The following SMAD3 variants were observed in gnomAD, a reference collection of about 807,000 sequenced individuals.
The protein encoded by SMAD3 is SMAD family member 3.
A neutral mutation model predicts 51.8 loss-of-function variants in SMAD3; 12 were observed. The ratio of observed to expected loss-of-function variants is 0.23; its 90% CI spans 0.15 to 0.38. The LOEUF is 0.38. Ranked by LOEUF, SMAD3 falls within the 10% of genes least tolerant of loss-of-function variation. SMAD3 has a pLI of 1.00. For missense variants in SMAD3, 294 were observed against 565.6 expected (o/e 0.52, Z 4.87); for synonymous variants, 238 against 227.7 (o/e 1.05, Z -0.41).
intron 1 of SMAD3, among the ~76,000 whole-genome samples, chr15:67,116,148 C>G (rs553833001): frequency 6.6e-6 from 1 of 152,322 alleles, no homozygotes; most frequent in Admixed American, 6.5e-5. Context: ...CTTGTGCATC[C>G]TTGGGTGATG....
rs1210875022 is a variant in SMAD3 at position 67,190,816 on chromosome 15, A to G, written c.*280A>G. 1.6e-5 allele frequency: 8 copies of G among 501,258 alleles called. No homozygotes were observed. The highest frequency in any genetic ancestry group is 2.9e-5 in the Non-Finnish European group (8 of 276,280). 31.1% of individuals were successfully genotyped at this position (501,258 alleles called of 1,614,324 possible). ...GGCTTAAGTGAGCAGAACAGGTAGT[A>G]TTACACCACCGGCCCCCTCCCCCCA... On this transcript the variant is annotated 3_prime_UTR_variant, in exon 9 of 9. Transcript: ENST00000327367.
chr15:67,175,026 C>T (rs1229286754), intron 5 of SMAD3, among the ~76,000 whole-genome samples: 5 of 152,190 alleles, frequency 3.3e-5, no homozygotes, highest in African/African-American at 1.2e-4. Flanking sequence ...GAGATATGAG[C>T]AGGTGATGTT....
At chr15:67,161,265 G>T (rs1001662516) in intron 1 of SMAD3, among the ~76,000 whole-genome samples, 1 of 152,186 alleles carries the variant, frequency 6.6e-6, no homozygotes, top group Non-Finnish European at 1.5e-5. Context: ...ACTCTGTTAG[G>T]TTCCATTGAT....
chr15:67,130,507 A>G (rs1396177765), intron 1 of SMAD3, among the ~76,000 whole-genome samples: 1 of 152,150 alleles, frequency 6.6e-6, no homozygotes. Context: ...TGAACTGCAT[A>G]TTGGAGGGAT....
chr15:67,158,217 G>C (rs923709184), intron 1 of SMAD3, among the ~76,000 whole-genome samples: 2 of 152,208 alleles, frequency 1.3e-5, no homozygotes, highest in African/African-American at 2.4e-5. Flanking sequence ...TAAGGCCTGG[G>C]AGAGTGTGTT....
intron 1 of SMAD3, among the ~76,000 whole-genome samples, chr15:67,133,969 CT>C (rs1240258067): frequency 6.6e-6 from 1 of 152,032 alleles, no homozygotes; most frequent in African/African-American, 2.4e-5. Context: ...CTCCTGGGTG[CT>C]TGTCTGCTTG....
At chr15:67,070,940 G>A (rs1476596649) in intron 1 of SMAD3, among the ~76,000 whole-genome samples, 1 of 152,060 alleles carries the variant, frequency 6.6e-6, no homozygotes, top group Non-Finnish European at 1.5e-5. Context: ...GGTATGTTAC[G>A]TTTATACTTC....
chr15:67,166,785 C>A lies in SMAD3; in HGVS notation c.539C>A (p.Pro180Gln). The part of the protein sequence containing the change: ...IEPQSNIPET[P>Q]PPGYLSEDGE... ...CCTTCCTTCTGATTCCCAGAGACCC[C>A]ACCCCCTGGCTACCTGAGTGAAGAT... The change falls in exon 4 of 9, where the codon CCA (proline) becomes CAA (glutamine). Residue 180 changes from proline to glutamine, a missense_variant. By Grantham distance (76) the Pro-to-Gln change is moderately conservative. Coordinates refer to ENST00000327367, the MANE Select transcript of SMAD3 (RefSeq NM_005902.4). The A allele has an allele frequency of 6.3e-7, 1 of 1,591,538 alleles. No individual in the cohort carries two copies.
intron 5 of SMAD3, among the ~76,000 whole-genome samples, chr15:67,176,777 G>A (rs1349571008): frequency 1.3e-5 from 2 of 152,232 alleles, no homozygotes; most frequent in African/African-American, 4.8e-5. Flanking sequence ...ACACCACACT[G>A]GTGGGGGAGG....
chr15:67,138,020 C>A, intron 1 of SMAD3: 1 of 1,550,208 alleles, frequency 6.5e-7, no homozygotes, highest in South Asian at 1.2e-5. Flanking sequence ...CTCCCAACTT[C>A]ACAAACATGT....
chr15:67,120,878 A>G (rs1168848192), intron 1 of SMAD3, among the ~76,000 whole-genome samples: 1 of 151,974 alleles, frequency 6.6e-6, no homozygotes, highest in Non-Finnish European at 1.5e-5. Context: ...ATTATTTTTT[A>G]GCTCATCAGC....
chr15:67,107,217 T>A (rs1049571589), intron 1 of SMAD3, among the ~76,000 whole-genome samples: 1 of 152,040 alleles, frequency 6.6e-6, no homozygotes, highest in Admixed American at 6.5e-5. Context: ...AGTCAGTCAT[T>A]GGGCCTTGGA....
chr15:67,129,291 T>C (rs916373729), intron 1 of SMAD3, among the ~76,000 whole-genome samples: 2 of 152,188 alleles, frequency 1.3e-5, no homozygotes, highest in Non-Finnish European at 2.9e-5. Flanking sequence ...TCTAGAGCAG[T>C]GTTGCCGGAT....
At chr15:67,090,201 T>C (rs922603064) in intron 1 of SMAD3, among the ~76,000 whole-genome samples, 22 of 152,276 alleles carry the variant, frequency 1.4e-4, no homozygotes, top group African/African-American at 4.8e-4. Context: ...AGAGGTGGAC[T>C]CTGAAGGAAT....
intron 1 of SMAD3, among the ~76,000 whole-genome samples, chr15:67,134,113 G>A (rs1961594649): frequency 6.6e-6 from 1 of 152,134 alleles, no homozygotes; most frequent in African/African-American, 2.4e-5. Flanking sequence ...CAGATGTGCT[G>A]GTGCTTACCG....
chr15:67,176,633 T>C (rs1043345487), intron 5 of SMAD3, among the ~76,000 whole-genome samples: 3 of 152,240 alleles, frequency 2.0e-5, no homozygotes, highest in African/African-American at 7.2e-5. Flanking sequence ...TTATTCTGTT[T>C]TCTTTTTCTT....
intron 6 of SMAD3, among the ~76,000 whole-genome samples, chr15:67,182,212 A>G (rs921228017): frequency 5.3e-5 from 8 of 152,242 alleles, no homozygotes; most frequent in African/African-American, 1.9e-4. Flanking sequence ...TAGAAAAGGT[A>G]GAAAAGAATT....
At chr15:67,119,158 C>T (rs1452060346) in intron 1 of SMAD3, among the ~76,000 whole-genome samples, 2 of 152,154 alleles carry the variant, frequency 1.3e-5, no homozygotes, top group Non-Finnish European at 2.9e-5. Context: ...CAGGGAGAGA[C>T]AGAGGAAAAG....
rs904286627 is a variant in SMAD3 at position 67,194,973 on chromosome 15, C to T, written c.*4437C>T. 3.0e-5 allele frequency: 7 copies of T among 233,646 alleles called. No homozygotes were observed. The highest frequency in any genetic ancestry group is 5.9e-5 in the Non-Finnish European group (7 of 117,968). The allele number at this position is 233,646 out of a possible 1,614,324, so 14.5% of individuals were successfully genotyped here. On this transcript the variant is annotated 3_prime_UTR_variant, in exon 9 of 9. Coordinates refer to ENST00000327367, the MANE Select transcript of SMAD3 (RefSeq NM_005902.4). ...ACATTGACTGTGTTGATTACCTTCA[C>T]TATTCGGCCAGCCTGACCTTTTAAT...
Sources: allele counts gnomAD v4.1 joint callset (sites outside exome capture counted in the v4.1 genomes callset), GRCh38; gene constraint gnomAD v4.1.1; transcripts MANE v1.5; gene names NCBI Gene and HGNC (gene_info 2026-07-23, HGNC 2026-07-21).